The following R3HCC1L variants were observed in gnomAD, a reference collection of about 807,000 sequenced individuals.
The protein encoded by R3HCC1L is coiled-coil domain-containing protein R3HCC1L.
Under a neutral mutation model 59.9 loss-of-function variants are expected in R3HCC1L, and 51 were observed. The ratio of observed to expected loss-of-function variants is 0.85; its 90% CI spans 0.68 to 1.07. The LOEUF (loss-of-function observed/expected upper bound fraction) is 1.07. R3HCC1L is among the 50% of genes least tolerant of loss of function. The pLI is 0.00. For missense variants in R3HCC1L, 965 were observed against 933.0 expected (o/e 1.03, Z -0.45); for synonymous variants, 322 against 315.2 (o/e 1.02, Z -0.23).
In R3HCC1L at chr10:98,208,118, C is replaced by T; in HGVS notation, c.4C>T (p.Gln2Ter). The T allele has an allele frequency of 6.2e-7, 1 of 1,604,156 alleles. No individual in the cohort carries two copies. The highest frequency in any genetic ancestry group is 8.5e-7 in the Non-Finnish European group (1 of 1,175,764). The part of the protein sequence containing the change: M[Q>*]QESERCRVRA... ...TCTTGCAGATTGTGGTGGTGCCATG[C>T]AGCAAGAATCAGAGAGATGCAGAGT... The change falls in exon 5 of 10, where the codon CAG becomes TAG. Residue 2 changes from glutamine to a stop codon, truncating the protein, a stop_gained. Coordinates refer to ENST00000298999, the MANE Select transcript of R3HCC1L (RefSeq NM_001351015.2). LOFTEE classifies it high-confidence loss of function.
At chr10:98,148,370 C>T (rs1845855567) in intron 1 of R3HCC1L, among the ~76,000 whole-genome samples, 1 of 151,966 alleles carries the variant, frequency 6.6e-6, no homozygotes, top group Non-Finnish European at 1.5e-5. Context: ...AATTTGGTGC[C>T]CTGTATTTCT....
chr10:98,142,436 G>A (rs1054466978), intron 1 of R3HCC1L, among the ~76,000 whole-genome samples: 4 of 151,846 alleles, frequency 2.6e-5, no homozygotes, highest in African/African-American at 4.8e-5. Flanking sequence ...CCAGGAGTTC[G>A]AGACCAGCCC....
chr10:98,202,592 G>A (rs1173148327), intron 4 of R3HCC1L, among the ~76,000 whole-genome samples: 2 of 151,980 alleles, frequency 1.3e-5, no homozygotes, highest in Non-Finnish European at 2.9e-5. Context: ...GGTGGCTCAC[G>A]CTTGTAATCC....
intron 4 of R3HCC1L, among the ~76,000 whole-genome samples, chr10:98,195,156 T>TCATGCTG (rs1276296074): frequency 6.6e-6 from 1 of 152,182 alleles, no homozygotes; most frequent in African/African-American, 2.4e-5. Context: ...GAAATTCCTG[T>TCATGCTG]CATGCTGCCT....
intron 1 of R3HCC1L, among the ~76,000 whole-genome samples, chr10:98,155,189 C>G (rs901911185): frequency 1.3e-5 from 2 of 152,138 alleles, no homozygotes; most frequent in Non-Finnish European, 2.9e-5. Flanking sequence ...CTCTGTCTCA[C>G]TGCTGTTAAT....
At chr10:98,162,059 A>G (rs1847469055) in intron 2 of R3HCC1L, among the ~76,000 whole-genome samples, 1 of 151,852 alleles carries the variant, frequency 6.6e-6, no homozygotes, top group African/African-American at 2.4e-5. Flanking sequence ...TCTTTCAGGA[A>G]TGTTTTAAAG....
intron 1 of R3HCC1L, among the ~76,000 whole-genome samples, chr10:98,149,605 C>T (rs1322883448): frequency 6.6e-6 from 1 of 152,156 alleles, no homozygotes; most frequent in Non-Finnish European, 1.5e-5. Flanking sequence ...ATTGATCATT[C>T]AGATGTTGCT....
chr10:98,158,830 T>TG (rs1442946954), intron 2 of R3HCC1L, among the ~76,000 whole-genome samples: 1 of 150,644 alleles, frequency 6.6e-6, no homozygotes, highest in Non-Finnish European at 1.5e-5. Flanking sequence ...TTTTTGGAGA[T>TG]GGGGGTCTCA....
chr10:98,203,444 T>G (rs1199880320), intron 4 of R3HCC1L, among the ~76,000 whole-genome samples: 2 of 152,232 alleles, frequency 1.3e-5, no homozygotes, highest in African/African-American at 4.8e-5. Context: ...ATATATAGTT[T>G]AGCTATGGTG....
chr10:98,138,946 GTGT>G (rs1293914466), intron 1 of R3HCC1L, among the ~76,000 whole-genome samples: 7 of 152,206 alleles, frequency 4.6e-5, no homozygotes, highest in South Asian at 2.1e-4. Context: ...GATTGGGGTG[GTGT>G]TGTTATTACT....
chr10:98,228,132 G>C (rs1050158793), intron 5 of R3HCC1L, among the ~76,000 whole-genome samples: 4 of 152,142 alleles, frequency 2.6e-5, no homozygotes, highest in African/African-American at 7.2e-5. Flanking sequence ...GGTATTTCTA[G>C]TTCTAGATCC....
chr10:98,223,947 A>T (rs918253403), intron 5 of R3HCC1L, among the ~76,000 whole-genome samples: 6 of 152,110 alleles, frequency 3.9e-5, no homozygotes, highest in African/African-American at 1.4e-4. Context: ...TAGGAGCAGC[A>T]GTGGGCTATC....
intron 4 of R3HCC1L, among the ~76,000 whole-genome samples, chr10:98,203,002 G>T (rs1374691779): frequency 2.0e-5 from 3 of 152,144 alleles, no homozygotes; most frequent in Non-Finnish European, 4.4e-5. Flanking sequence ...ACCCTAACTG[G>T]ATCCTGTATG....
At chr10:98,154,168 G>C (rs1846582691) in intron 1 of R3HCC1L, among the ~76,000 whole-genome samples, 1 of 116,980 alleles carries the variant, frequency 8.5e-6, no homozygotes, top group Non-Finnish European at 1.6e-5. Flanking sequence ...TTATACTACA[G>C]AGCAGAGAAT....
rs1482600397 is a variant in R3HCC1L at position 98,209,756 on chromosome 10, A to G, written c.1642A>G (p.Arg548Gly). The G allele has an allele frequency of 1.9e-6, 3 of 1,613,780 alleles. No homozygotes were observed. Among genetic ancestry groups the G allele is most frequent in the African/African-American group, 2.7e-5 (2 of 74,908 alleles). Reference sequence around the variant, plus strand: ...AGAATTTGGTGTATCTTTTCCTGATAGGGAATCATCATCTATGGAAACATC... The same window carrying G: ...AGAATTTGGTGTATCTTTTCCTGATGGGGAATCATCATCTATGGAAACATC... ...SIEFGVSFPD[R>G]ESSSMETSIE... The change falls in exon 5 of 10, where the codon AGG becomes GGG. Residue 548 changes from arginine to glycine, a missense_variant. Coordinates refer to ENST00000298999, the MANE Select transcript of R3HCC1L (RefSeq NM_001351015.2).
intron 1 of R3HCC1L, among the ~76,000 whole-genome samples, chr10:98,138,343 A>G (rs1482811431): frequency 6.6e-6 from 1 of 152,172 alleles, no homozygotes; most frequent in African/African-American, 2.4e-5. Flanking sequence ...AGTCACTTCC[A>G]TTAAAATCTA....
chr10:98,209,936 T>G, intron 5 of R3HCC1L, 37 bp downstream of exon 5: 10 of 1,512,300 alleles, frequency 6.6e-6, no homozygotes, highest in Non-Finnish European at 9.0e-6. Context: ...CTTAGTTAGT[T>G]TATAAATTAG....
chr10:98,200,602 C>G (rs1851924891), intron 4 of R3HCC1L, among the ~76,000 whole-genome samples: 1 of 152,038 alleles, frequency 6.6e-6, no homozygotes, highest in Non-Finnish European at 1.5e-5. Context: ...AGTATAGAAT[C>G]TGGCCCATTG....
chr10:98,135,149 C>T lies in R3HCC1L; in HGVS notation c.-268+443C>T, dbSNP rs368361243. Reference sequence around the variant, plus strand: ...AGCCTCCTCCGCTGCCCGGGAGCCCCGGGCTACGGGCTGGGAGTGAGCAAT... The same window carrying T: ...AGCCTCCTCCGCTGCCCGGGAGCCCTGGGCTACGGGCTGGGAGTGAGCAAT... On this transcript the variant is annotated intron_variant, in intron 1 of 9. Coordinates refer to ENST00000298999, the MANE Select transcript of R3HCC1L (RefSeq NM_001351015.2). Among the ~76,000 whole-genome samples the T allele has an allele frequency of 2.8e-3, 419 of 152,334 alleles. 2 individuals are homozygous for T. The highest frequency in any genetic ancestry group is 0.01 in the Middle Eastern group (3 of 294).
Sources: gnomAD v4.1 joint callset for allele counts (sites outside exome capture counted in the v4.1 genomes callset) on GRCh38, gnomAD v4.1.1 for gene constraint, MANE v1.5 for transcripts, NCBI Gene and HGNC (gene_info 2026-07-23, HGNC 2026-07-21) for gene names.